GOLGA2: variants seen among roughly 807,000 people sequenced by gnomAD.
GOLGA2 encodes golgin subfamily A member 2.
Under a neutral mutation model 148.8 loss-of-function variants are expected in GOLGA2, and 49 were observed. That is an observed-to-expected ratio of 0.33 (90% CI 0.26 to 0.42). GOLGA2 has a LOEUF of 0.42. GOLGA2 is among the 10% of genes least tolerant of loss of function. The probability of loss-of-function intolerance (pLI) is 1.00; values close to 1 mark genes in which losing one functional copy is unlikely to be tolerated. For synonymous variants in GOLGA2, 501 were observed against 511.8 expected, an observed-to-expected ratio of 0.98 and a Z score of 0.28; for missense variants, 1,178 against 1,304.6, an observed-to-expected ratio of 0.90 and a Z score of 1.49.
intron 3 of GOLGA2, among the ~76,000 whole-genome samples, chr9:128,270,902 G>A (rs1478258963): frequency 6.6e-6 from 1 of 151,972 alleles, no homozygotes; most frequent in African/African-American, 2.4e-5. Flanking sequence ...AAAAAAAATG[G>A]CCGGGCGTGA....
At chr9:128,265,228 C>CAAAT (rs1830519780) in intron 12 of GOLGA2, among the ~76,000 whole-genome samples, 1 of 152,142 alleles carries the variant, frequency 6.6e-6, no homozygotes, top group African/African-American at 2.4e-5. Context: ...TACACACACA[C>CAAAT]GTTCCCTCTC....
chr9:128,259,418 C>A, intron 19 of GOLGA2, 27 bp from the exon 20 acceptor site: 1 of 1,436,326 alleles, frequency 7.0e-7, no homozygotes, highest in South Asian at 1.2e-5. Context: ...GGCGTGAGGG[C>A]AGGTGGTGGC....
rs771373353 is a variant in GOLGA2, at chr9:128,275,944, G to C, written c.33C>G (p.Pro11=). 5 of 1,594,768 alleles carry C rather than the reference G, an allele frequency of 3.1e-6. No homozygotes were observed. Among genetic ancestry groups the C allele is most frequent in the Middle Eastern group, 1.7e-4 (1 of 5,908 alleles). The part of the protein sequence containing the change: MWPQPRLPPR[P]AMSEETRQSK... ...TCTGTCGGGTTTCTTCCGACATCGC[G>C]GGGCGGGGAGGGAGGCGGGGTTGGG... The change falls in exon 1 of 27, where the codon CCC becomes CCG. Residue 11 remains proline (P), a synonymous_variant. Coordinates refer to ENST00000611957, the MANE Select transcript of GOLGA2 (RefSeq NM_001366244.2).
At position 128,261,737 on chromosome 9, in the gene GOLGA2, G is replaced by A. The variant is rs1355702004; in HGVS notation, c.1155C>T (p.Ala385=). Residue 385 remains alanine, a synonymous_variant, in exon 15 of 27, where the codon GCC becomes GCT. Transcript: ENST00000611957. The surrounding 1 kb of genome is among the most constrained non-coding windows in gnomAD (Gnocchi z 5.7). ...GCTGTAACTGCTGGTTAGCATCAGG[G>A]GCTTCACACCGGCTTGAAAACTGGA... is the stretch of plus-strand genomic sequence containing the variant. The part of the protein sequence containing the change: ...LLQQFSSRCE[A]PDANQQLQQA... The A allele has an allele frequency of 4.3e-6, 7 of 1,612,604 alleles. No individual in the cohort carries two copies. The highest frequency in any genetic ancestry group is 1.6e-4 in the Middle Eastern group (1 of 6,080).
In GOLGA2 at chr9:128,260,400, A is replaced by T; in HGVS notation, c.1758+65T>A. ...TGAGGGCTACACTGCCCCACTTTAC[A>T]GGTGGGAAAACAAAGGTCTGGAGGG... On this transcript the variant is annotated intron_variant, in intron 18 of 26. Transcript: ENST00000611957. This position sits in a 1 kb window ranked among gnomAD's most constrained non-coding sequence, Gnocchi z 4.8. 1 of 1,353,202 alleles carries T rather than the reference A, an allele frequency of 7.4e-7. No individual in the cohort carries two copies. Among genetic ancestry groups the T allele is most frequent in the Non-Finnish European group, 1.0e-6 (1 of 958,400 alleles). The allele number at this position is 1,353,202 out of a possible 1,614,324, so 83.8% of individuals were successfully genotyped here. A position where few individuals can be genotyped will look rare whatever the true frequency, so the allele number is the denominator to read the frequency against.
rs1271788736 is a variant in GOLGA2, at chr9:128,261,565, C to G, written c.1225-4G>C. On this transcript the variant is annotated splice_region_variant and splice_polypyrimidine_tract_variant and intron_variant, in intron 15 of 26. Coordinates refer to ENST00000611957, the MANE Select transcript of GOLGA2 (RefSeq NM_001366244.2). This position sits in a 1 kb window ranked among gnomAD's most constrained non-coding sequence, Gnocchi z 5.7. Reference sequence around the variant, plus strand: ...GTTGTCTAACCGACTCCATTACCTGCAAGAATGGCCACAGAAATGAGGAAG... The same window carrying G: ...GTTGTCTAACCGACTCCATTACCTGGAAGAATGGCCACAGAAATGAGGAAG... The G allele has an allele frequency of 6.4e-7, 1 of 1,565,608 alleles. No individual in the cohort carries two copies. The highest frequency in any genetic ancestry group is 1.4e-5 in the African/African-American group (1 of 74,006).
intron 6 of GOLGA2, 38 bp downstream of exon 6, chr9:128,267,896 T>TCC: frequency 1.3e-6 from 2 of 1,488,578 alleles, no homozygotes; most frequent in Non-Finnish European, 1.9e-6. Context: ...ATAGTTCCCT[T>TCC]CCCCCCACCC....
intron 2 of GOLGA2, among the ~76,000 whole-genome samples, chr9:128,273,083 G>A (rs963122601): frequency 1.3e-5 from 2 of 152,180 alleles, no homozygotes; most frequent in Non-Finnish European, 2.9e-5. Context: ...TCCCCTGAAC[G>A]ATGCAGTCAC....
At position 128,262,687 on chromosome 9, in the gene GOLGA2, A is replaced by G. The variant is rs1830345295; in HGVS notation, c.1010T>C (p.Leu337Pro). ...LYKNTQSNED[L>P]KQEKSELEEK... The stretch of plus-strand genomic sequence containing the variant: ...TTCCAATTCTGATTTCTCTTGCTTC[A>G]GGTCCTCATTGCTTTGGCTATGGCC... Residue 337 changes from leucine to proline, a missense_variant, in exon 14 of 27, where the codon CTG becomes CCG. Physicochemically the swap from Leu to Pro is moderately conservative, Grantham distance 98. Coordinates refer to ENST00000611957, the MANE Select transcript of GOLGA2 (RefSeq NM_001366244.2). The G allele has an allele frequency of 6.2e-7, 1 of 1,613,312 alleles. No individual in the cohort carries two copies. Among genetic ancestry groups the G allele is most frequent in the African/African-American group, 1.3e-5 (1 of 74,898 alleles).
intron 3 of GOLGA2, among the ~76,000 whole-genome samples, chr9:128,270,909 G>C (rs191301106): frequency 6.6e-6 from 1 of 152,106 alleles, no homozygotes; most frequent in Admixed American, 6.6e-5. Flanking sequence ...ATGGCCGGGC[G>C]TGATGGTGCA....
rs1172862926 is a variant in GOLGA2, at chr9:128,263,048, C to T, written c.978G>A (p.Glu326=). 1 of 1,607,106 alleles carries T rather than the reference C, an allele frequency of 6.2e-7. No individual in the cohort carries two copies. Residue 326 remains glutamate (E), a synonymous_variant, in exon 13 of 27, where the codon GAG becomes GAA. Coordinates refer to ENST00000611957, the MANE Select transcript of GOLGA2 (RefSeq NM_001366244.2). ...LTKERDALRL[E]LYKNTQSNED... The stretch of plus-strand genomic sequence containing the variant: ...CCCCATCCTACGTGTTCTTGTATAA[C>T]TCCAGCCTGAGGGCGTCTCTCTCTT...
At chr9:128,275,639 G>A (rs887876535) in intron 1 of GOLGA2, 3 of 686,812 alleles carry the variant, frequency 4.4e-6, no homozygotes, top group African/African-American at 1.9e-5. Context: ...CGGGGGGCAG[G>A]AGGTGAGGGC....
chr9:128,269,872 T>C lies in GOLGA2; in HGVS notation c.289-1348A>G, dbSNP rs76862765. Among the ~76,000 whole-genome samples, 61 of 152,348 alleles carry C rather than the reference T, an allele frequency of 4.0e-4. No individual in the cohort carries two copies. In the East Asian group the frequency reaches 0.012, roughly 29 times the overall value. Reference sequence around the variant, plus strand: ...TCCTTAGAGCAAGTGCTGCAGAGGCTGGTGGAACTGAAGATGAGCCAAGCT... The same window carrying C: ...TCCTTAGAGCAAGTGCTGCAGAGGCCGGTGGAACTGAAGATGAGCCAAGCT... On this transcript the variant is annotated intron_variant, in intron 3 of 26. Transcript: ENST00000611957.
At position 128,260,538 on chromosome 9, in the gene GOLGA2, A is replaced by G. The variant is rs1307829655; in HGVS notation, c.1685T>C (p.Ile562Thr). ...CCGGTTCTGGGAGAGTGCGCGGCTG[A>G]TGGTAGTGCGGTCGTTCTGCATGGT... ...LETMQNDRTT[I>T]SRALSQNREL... Residue 562 changes from isoleucine to threonine, a missense_variant, in exon 18 of 27, where the codon ATC (isoleucine) becomes ACC (threonine). Coordinates refer to ENST00000611957, the MANE Select transcript of GOLGA2 (RefSeq NM_001366244.2). The surrounding 1 kb of genome is among the most constrained non-coding windows in gnomAD (Gnocchi z 4.8). 10 of 1,613,214 alleles carry G rather than the reference A, an allele frequency of 6.2e-6. No individual in the cohort carries two copies. The highest frequency in any genetic ancestry group is 8.5e-6 in the Non-Finnish European group (10 of 1,180,010).
rs755325002 is a variant in GOLGA2 at position 128,257,128 on chromosome 9, G to A, written c.3029C>T (p.Pro1010Leu). 1.2e-6 allele frequency: 2 copies of A among 1,614,148 alleles called. No individual in the cohort carries two copies. Among genetic ancestry groups the A allele is most frequent in the South Asian group, 1.1e-5 (1 of 91,084 alleles). The change falls in exon 27 of 27, where the codon CCC becomes CTC. Residue 1010 changes from proline to leucine, a missense_variant. Pro to Leu is a moderately conservative substitution (Grantham distance 98). Transcript: ENST00000611957. This position sits in a 1 kb window ranked among gnomAD's most constrained non-coding sequence, Gnocchi z 8.0. ...AGCCCGGTAAAAAAAAGGAATGCAGGGGTTGCTGCCCAAGCCTGGGCGCTC... is the reference window on the plus strand; with the variant it reads ...AGCCCGGTAAAAAAAAGGAATGCAGAGGTTGCTGCCCAAGCCTGGGCGCTC... ...PRERPGLGSN[P>L]CIPFFYRADE...
chr9:128,275,813 T>G, intron 1 of GOLGA2, 80 bp downstream of exon 1: 3 of 736,780 alleles, frequency 4.1e-6, no homozygotes, highest in Admixed American at 3.1e-5. Context: ...GCCTCAGGAG[T>G]GGCAGAGACT....
rs749019237 is a variant in GOLGA2 at position 128,268,402 on chromosome 9, G to A, written c.393+18C>T. The A allele has an allele frequency of 7.2e-7, 1 of 1,383,768 alleles. No individual in the cohort carries two copies. The highest frequency in any genetic ancestry group is 1.2e-5 in the South Asian group (1 of 86,516). The allele number at this position is 1,383,768 out of a possible 1,614,324, so 85.7% of individuals were successfully genotyped here. On this transcript the variant is annotated intron_variant, in intron 4 of 26. Coordinates refer to ENST00000611957, the MANE Select transcript of GOLGA2 (RefSeq NM_001366244.2). ...TAGGTACAGGAGGGCAGTGGGCAGAGGGGGAGGAGGCACGAACCTGAGATG... is the reference window on the plus strand; with the variant it reads ...TAGGTACAGGAGGGCAGTGGGCAGAAGGGGAGGAGGCACGAACCTGAGATG...
At chr9:128,270,166 C>A (rs1830850230) in intron 3 of GOLGA2, among the ~76,000 whole-genome samples, 1 of 141,744 alleles carries the variant, frequency 7.1e-6, no homozygotes, top group Non-Finnish European at 1.5e-5. Flanking sequence ...GGGAGTCTCA[C>A]TCTGTCGCCC....
chr9:128,264,507 A>T (rs766958788), intron 12 of GOLGA2, among the ~76,000 whole-genome samples: 2 of 151,920 alleles, frequency 1.3e-5, no homozygotes, highest in Non-Finnish European at 2.9e-5. Context: ...AGCTCACCGC[A>T]ACTTCCGCCC....
Sources: allele counts gnomAD v4.1 joint callset (sites outside exome capture counted in the v4.1 genomes callset), GRCh38; gene constraint gnomAD v4.1.1; non-coding constraint Gnocchi (gnomAD v3.1); transcripts MANE v1.5; gene names NCBI Gene and HGNC (gene_info 2026-07-23, HGNC 2026-07-21).